Variants in PTCHD4 observed in about 807,000 individuals in gnomAD.
PTCHD4 encodes patched domain-containing protein 4.
PTCHD4 carries 33 observed loss-of-function variants against 58.1 expected under a neutral mutation model. The ratio of observed to expected loss-of-function variants is 0.57; its 90% CI spans 0.43 to 0.76. The LOEUF is 0.76. Among genes scored for constraint, PTCHD4 ranks in the 30% least tolerant of loss-of-function variants. The pLI, the probability that PTCHD4 is intolerant of heterozygous loss-of-function variation, is 0.00. For synonymous variants in PTCHD4, 478 were observed against 409.6 expected (o/e 1.17, Z -2.02); for missense variants, 1,058 against 1,027.1 (o/e 1.03, Z -0.41).
At chr6:47,975,040 C>T (rs1342061304) in intron 4 of PTCHD4, among the ~76,000 whole-genome samples, 1 of 152,174 alleles carries the variant, frequency 6.6e-6, no homozygotes, top group Admixed American at 6.5e-5. Flanking sequence ...GACTCATCTC[C>T]TCTGGGAAGC....
chr6:48,075,253 T>C (rs1237598629), intron 1 of PTCHD4, among the ~76,000 whole-genome samples: 3 of 152,176 alleles, frequency 2.0e-5, no homozygotes, highest in Admixed American at 6.5e-5. Flanking sequence ...ATAAACACCA[T>C]TCTTATTCTA....
rs572950860 is a variant in PTCHD4, at chr6:47,905,626, A to C, written c.899-25690T>G. 4.7e-4 allele frequency among the ~76,000 whole-genome samples: 72 copies of C among 152,334 alleles called. 1 individual carries two copies. The South Asian group carries it at 0.013, about 29-fold the overall frequency. On this transcript the variant is annotated intron_variant, in intron 4 of 4. Transcript: ENST00000339488. ...AAGAGCACTAGTGGAGCCCAAAGGA[A>C]GGAAAATTTATATTAGCTTGATTGG...
rs34214628 is a variant in PTCHD4 at position 47,886,119 on chromosome 6, AT to A, written c.899-6184del. ...AGGCGCGAGCCACGGCGATGGCAAG[AT>A]TTTTTTTTTTTTTTTTCCCAGAGCA... On this transcript the variant is annotated intron_variant, in intron 4 of 4. Transcript: ENST00000339488. Among the ~76,000 whole-genome samples, 1,366 of 145,858 alleles carry A rather than the reference AT, an allele frequency of 9.4e-3. 10 individuals carry two copies. The highest frequency in any genetic ancestry group is 0.022 in the Middle Eastern group (6 of 270).
intron 3 of PTCHD4, among the ~76,000 whole-genome samples, chr6:48,028,207 T>C (rs1763315785): frequency 6.6e-6 from 1 of 152,072 alleles, no homozygotes. Context: ...CCTCCCAAAG[T>C]GCTAAGATTA....
At chr6:48,078,127 A>T (rs1225057326) in intron 1 of PTCHD4, among the ~76,000 whole-genome samples, 1 of 152,216 alleles carries the variant, frequency 6.6e-6, no homozygotes, top group East Asian at 1.9e-4. Flanking sequence ...CTAGGTGATG[A>T]TTAAATTTTC....
intron 4 of PTCHD4, among the ~76,000 whole-genome samples, chr6:47,957,611 T>G (rs937823636): frequency 6.6e-6 from 1 of 150,896 alleles, no homozygotes; most frequent in Non-Finnish European, 1.5e-5. Context: ...TTTTTATTTT[T>G]TTTTTTGGAG....
In PTCHD4 at chr6:48,024,089, C is replaced by A. The variant is rs1452214654; in HGVS notation, c.418-14975G>T. 2.0e-5 allele frequency among the ~76,000 whole-genome samples: 3 copies of A among 152,110 alleles called. 1 individual carries two copies. Among genetic ancestry groups the A allele is most frequent in the African/African-American group, 7.2e-5 (3 of 41,412 alleles). On this transcript the variant is annotated intron_variant, in intron 3 of 4. Transcript: ENST00000339488. Reference sequence around the variant, plus strand: ...AAAATGGGACTGTCTAGCTCATAAGCTTTATTATAAGAATTATGTTTGATG... The same window carrying A: ...AAAATGGGACTGTCTAGCTCATAAGATTTATTATAAGAATTATGTTTGATG...
At chr6:47,987,262 AG>A (rs1258505905) in intron 4 of PTCHD4, among the ~76,000 whole-genome samples, 4 of 72,712 alleles carry the variant, frequency 5.5e-5, no homozygotes, top group African/African-American at 1.7e-4. Context: ...GGGTGGGGGG[AG>A]GGGGGAAGGG....
At chr6:48,010,642 A>C (rs1762632786) in intron 3 of PTCHD4, among the ~76,000 whole-genome samples, 1 of 151,930 alleles carries the variant, frequency 6.6e-6, no homozygotes, top group Admixed American at 6.6e-5. Context: ...GTACATGTGC[A>C]GAACGTGCAG....
intron 4 of PTCHD4, among the ~76,000 whole-genome samples, chr6:47,918,952 C>T (rs188822812): frequency 3.7e-4 from 56 of 152,144 alleles, no homozygotes; most frequent in South Asian, 6.2e-4. Context: ...GGCTGGAATA[C>T]GGATGAGGTG....
chr6:48,026,426 C>T (rs973060403), intron 3 of PTCHD4, among the ~76,000 whole-genome samples: 4 of 152,114 alleles, frequency 2.6e-5, no homozygotes, highest in Non-Finnish European at 5.9e-5. Flanking sequence ...TCAGTGGTCT[C>T]TTTGGGGAAC....
chr6:48,095,271 T>G (rs566784505), intron 1 of PTCHD4, among the ~76,000 whole-genome samples: 2 of 152,330 alleles, frequency 1.3e-5, no homozygotes, highest in East Asian at 3.9e-4. Context: ...ACTAAAAATG[T>G]ATAGTTGTCT....
chr6:48,046,510 A>G (rs1298424514), intron 3 of PTCHD4, among the ~76,000 whole-genome samples: 1 of 151,854 alleles, frequency 6.6e-6, no homozygotes, highest in Admixed American at 6.6e-5. Flanking sequence ...TCTACCTTTT[A>G]ATGTTAGTTA....
chr6:47,901,454 C>T (rs979781295), intron 4 of PTCHD4: 1 of 981,848 alleles, frequency 1.0e-6, no homozygotes, highest in African/African-American at 1.8e-5. Flanking sequence ...TAACCTCCTT[C>T]ATTTTATTTA....
At chr6:47,883,450 T>C (rs944246603) in intron 4 of PTCHD4, among the ~76,000 whole-genome samples, 3 of 152,174 alleles carry the variant, frequency 2.0e-5, no homozygotes, top group Middle Eastern at 3.2e-3. Flanking sequence ...TGAGAAAATA[T>C]ACTACTGTGA....
intron 3 of PTCHD4, among the ~76,000 whole-genome samples, chr6:48,036,615 C>T (rs1467284480): frequency 1.3e-5 from 2 of 152,066 alleles, no homozygotes; most frequent in Non-Finnish European, 2.9e-5. Context: ...TACTGCAGTA[C>T]TTGTGTTCAA....
At chr6:47,929,447 G>C (rs1476203886) in intron 4 of PTCHD4, among the ~76,000 whole-genome samples, 8 of 152,190 alleles carry the variant, frequency 5.3e-5, no homozygotes. Context: ...TGCTTCTGTA[G>C]CACTGCAATT....
chr6:47,940,045 A>G (rs1015930674), intron 4 of PTCHD4, among the ~76,000 whole-genome samples: 2 of 152,116 alleles, frequency 1.3e-5, no homozygotes, highest in Non-Finnish European at 1.5e-5. Context: ...TTGACATAAC[A>G]TGAAAGTACT....
intron 4 of PTCHD4, among the ~76,000 whole-genome samples, chr6:47,982,738 C>T (rs934961713): frequency 6.6e-6 from 1 of 152,214 alleles, no homozygotes; most frequent in African/African-American, 2.4e-5. Context: ...CCGCCCGTCT[C>T]GGCCTCCCAA....
Sources: gnomAD v4.1 joint callset for allele counts (sites outside exome capture counted in the v4.1 genomes callset) on GRCh38, gnomAD v4.1.1 for gene constraint, MANE v1.5 for transcripts, NCBI Gene and HGNC (gene_info 2026-07-23, HGNC 2026-07-21) for gene names.